ITSN2: variants seen among roughly 807,000 people sequenced by gnomAD.
The protein encoded by ITSN2 is intersectin-2.
A neutral mutation model predicts 243.7 loss-of-function variants in ITSN2; 156 were observed. The ratio of observed to expected loss-of-function variants is 0.64; its 90% CI spans 0.56 to 0.73. The LOEUF (loss-of-function observed/expected upper bound fraction) is 0.73, where lower values mean the gene tolerates loss of function less well. ITSN2 is among the 30% of genes least tolerant of loss of function. ITSN2 has a pLI of 0.00. For missense variants in ITSN2, 1,801 were observed against 1,996.1 expected, an observed-to-expected ratio of 0.90 and a Z score of 1.86; for synonymous variants, 703 against 699.9, an observed-to-expected ratio of 1.00 and a Z score of -0.07.
chr2:24,209,756 C>A (rs755639810), intron 35 of ITSN2, 62 bp downstream of exon 35: 14 of 1,365,326 alleles, frequency 1.0e-5, no homozygotes, highest in African/African-American at 1.4e-5. Flanking sequence ...CCAGGAAGGC[C>A]TTAAGATAGA....
At chr2:24,312,959 AATGTAT>A (rs1225033537) in intron 4 of ITSN2, among the ~76,000 whole-genome samples, 1 of 152,162 alleles carries the variant, frequency 6.6e-6, no homozygotes, top group Non-Finnish European at 1.5e-5. Context: ...TCTCAATGAT[AATGTAT>A]ATATCTTTCC....
At chr2:24,210,706 T>C in intron 34 of ITSN2, 74 bp downstream of exon 34, 1 of 1,440,922 alleles carries the variant, frequency 6.9e-7, no homozygotes. Flanking sequence ...ACTGTCCACG[T>C]GAGGGAAGGC....
intron 39 of ITSN2, 97 bp from the exon 40 acceptor site, chr2:24,203,880 C>A: frequency 1.5e-6 from 2 of 1,321,680 alleles, no homozygotes; most frequent in East Asian, 2.3e-5. Flanking sequence ...ACCTTCAAAT[C>A]TGAAACAAGG....
At chr2:24,205,577 C>T (rs1668779788) in intron 37 of ITSN2, 1 of 388,520 alleles carries the variant, frequency 2.6e-6, no homozygotes, top group Non-Finnish European at 4.9e-6. Flanking sequence ...AGATCCCTTC[C>T]CTCCTCTGCA....
In ITSN2 at chr2:24,246,254, C is replaced by A; in HGVS notation, c.3452G>T (p.Gly1151Val). ...NNEDELSFSK[G>V]QLINVMNKDD... ...TTTGTTCATAACATTAATGAGTTGT[C>A]CCTTGGAGAAACTGAGCTCATCTTC... is the stretch of plus-strand genomic sequence containing the variant. The change falls in exon 29 of 40, where the codon GGA becomes GTA. Residue 1151 changes from glycine (G) to valine (V), a missense_variant. Transcript: ENST00000355123. The A allele has an allele frequency of 1.2e-6, 2 of 1,612,856 alleles. No individual in the cohort carries two copies. The highest frequency in any genetic ancestry group is 8.5e-7 in the Non-Finnish European group (1 of 1,179,000).
chr2:24,276,304 A>C (rs948889372), intron 17 of ITSN2, among the ~76,000 whole-genome samples: 3 of 152,280 alleles, frequency 2.0e-5, no homozygotes, highest in Admixed American at 2.0e-4. Context: ...TTAGTTCAAA[A>C]CTAAAAATGG....
intron 18 of ITSN2, among the ~76,000 whole-genome samples, chr2:24,273,320 C>T (rs538955016): frequency 6.6e-6 from 1 of 152,312 alleles, no homozygotes; most frequent in African/African-American, 2.4e-5. Context: ...AAACGGACTT[C>T]TGGTTCTCCT....
At chr2:24,212,147 A>C (rs1308248725) in intron 33 of ITSN2, among the ~76,000 whole-genome samples, 1 of 152,180 alleles carries the variant, frequency 6.6e-6, no homozygotes, top group Admixed American at 6.5e-5. Flanking sequence ...GGAATTTTAG[A>C]AGGAATGTTG....
intron 5 of ITSN2, among the ~76,000 whole-genome samples, chr2:24,310,947 A>C (rs1683189207): frequency 6.6e-6 from 1 of 152,190 alleles, no homozygotes; most frequent in African/African-American, 2.4e-5. Context: ...ATCATGAATA[A>C]AACTAAGCAG....
intron 29 of ITSN2, among the ~76,000 whole-genome samples, chr2:24,222,916 TC>T (rs1377122163): frequency 6.6e-5 from 10 of 152,154 alleles, no homozygotes; most frequent in Non-Finnish European, 4.4e-5. Context: ...TCTCAGGTGA[TC>T]CGCCCACCTT....
chr2:24,353,742 T>C (rs1323309487), intron 1 of ITSN2, among the ~76,000 whole-genome samples: 1 of 152,162 alleles, frequency 6.6e-6, no homozygotes, highest in Non-Finnish European at 1.5e-5. Context: ...CCAACATTCA[T>C]ATCCTATAAA....
At chr2:24,252,262 T>A in intron 25 of ITSN2, 83 bp downstream of exon 25, 1 of 993,788 alleles carries the variant, frequency 1.0e-6, no homozygotes, top group South Asian at 1.6e-5. Flanking sequence ...TTAACAAGAA[T>A]GGGTTGATTT....
At chr2:24,347,345 G>C (rs1285881462) in intron 1 of ITSN2, among the ~76,000 whole-genome samples, 1 of 151,878 alleles carries the variant, frequency 6.6e-6, no homozygotes, top group Non-Finnish European at 1.5e-5. Context: ...CAATTTCAAG[G>C]CTATAGGAGA....
At chr2:24,281,145 C>T (rs927949036) in intron 17 of ITSN2, among the ~76,000 whole-genome samples, 1 of 152,194 alleles carries the variant, frequency 6.6e-6, no homozygotes, top group Non-Finnish European at 1.5e-5. Context: ...TCTCCTGCCT[C>T]AGCCTCCCGA....
intron 1 of ITSN2, chr2:24,334,503 C>T (rs1054101152): frequency 5.9e-5 from 42 of 717,758 alleles, no homozygotes; most frequent in Admixed American, 1.6e-4. Context: ...CAATAGCGCT[C>T]ATGCAAACAT....
Position 24,205,251 on chromosome 2 carries a change from G to T in ITSN2, c.4725C>A (p.Val1575=). Residue 1575 remains valine, a synonymous_variant, in exon 38 of 40, where the codon GTC becomes GTA. Coordinates refer to ENST00000355123, the MANE Select transcript of ITSN2 (RefSeq NM_006277.3). Reference sequence around the variant, plus strand: ...AGGCTTTTAATTCTGTAGCTTCAATGACATGCACCATCAGGCGCCCAATGC... The same window carrying T: ...AGGCTTTTAATTCTGTAGCTTCAATTACATGCACCATCAGGCGCCCAATGC... ...TSGIGRLMVH[V]IEATELKACK... is the part of the protein sequence containing the mutation. The T allele has an allele frequency of 1.2e-6, 2 of 1,614,006 alleles. No individual in the cohort carries two copies. The highest frequency in any genetic ancestry group is 2.2e-5 in the South Asian group (2 of 91,052).
chr2:24,281,456 T>G (rs532622977), intron 17 of ITSN2, among the ~76,000 whole-genome samples: 29 of 152,342 alleles, frequency 1.9e-4, no homozygotes, highest in African/African-American at 6.5e-4. Flanking sequence ...ATCTTGATCA[T>G]AGTGCTTTTG....
intron 30 of ITSN2, chr2:24,220,609 T>C (rs376885902): frequency 1.7e-6 from 2 of 1,177,926 alleles, no homozygotes; most frequent in African/African-American, 1.6e-5. Flanking sequence ...CGGTCTGCCA[T>C]AGGCCCTTCC....
chr2:24,261,306 T>C (rs1243160454), intron 21 of ITSN2, 56 bp from the exon 22 acceptor site: 1 of 1,281,690 alleles, frequency 7.8e-7, no homozygotes, highest in Non-Finnish European at 1.1e-6. Flanking sequence ...CTTAATGAAG[T>C]ACTACCAATT....
Sources: gnomAD v4.1 joint callset for allele counts (sites outside exome capture counted in the v4.1 genomes callset) on GRCh38, gnomAD v4.1.1 for gene constraint, MANE v1.5 for transcripts, NCBI Gene and HGNC (gene_info 2026-07-23, HGNC 2026-07-21) for gene names.